Variants in PLEKHG1 observed in about 807,000 individuals in gnomAD.
The protein encoded by PLEKHG1 is pleckstrin homology and RhoGEF domain containing G1, also known as pleckstrin homology domain-containing family G member 1.
In PLEKHG1, 44 loss-of-function variants were observed where a neutral mutation model predicts 100.8. The ratio of observed to expected loss-of-function variants is 0.44; its 90% CI spans 0.34 to 0.56. The LOEUF (loss-of-function observed/expected upper bound fraction) is 0.56, where lower values mean the gene tolerates loss of function less well. PLEKHG1 is among the 20% of genes least tolerant of loss of function. PLEKHG1 has a pLI of 0.01. For missense variants in PLEKHG1, 1,545 were observed against 1,720.9 expected (o/e 0.90, Z 1.81); for synonymous variants, 640 against 662.5 (o/e 0.97, Z 0.52).
At chr6:150,731,962 C>CTTTT (rs34542836) in intron 1 of PLEKHG1, among the ~76,000 whole-genome samples, 2 of 134,408 alleles carry the variant, frequency 1.5e-5, no homozygotes, top group Non-Finnish European at 3.1e-5. Flanking sequence ...TATTAAGTGA[C>CTTTT]TTTTTTTTTT....
chr6:150,641,922 A>C (rs1037826892), intron 2 of PLEKHG1, among the ~76,000 whole-genome samples: 3 of 149,628 alleles, frequency 2.0e-5, no homozygotes, highest in African/African-American at 7.3e-5. Context: ...TACCTTTCTA[A>C]ATAGAATATT....
At chr6:150,624,004 T>A (rs553295899) in intron 1 of PLEKHG1, among the ~76,000 whole-genome samples, 32 of 152,342 alleles carry the variant, frequency 2.1e-4, no homozygotes, top group African/African-American at 7.5e-4. Flanking sequence ...ATCAGATTAA[T>A]GTATTAGATT....
rs9397021 is a variant in PLEKHG1, at chr6:150,758,190, A to G, written c.412-10448A>G. The stretch of plus-strand genomic sequence containing the variant: ...GAATGATTTATATTCCTTTGGGTAT[A>G]TAGCCAGTAATGGGATTGCTGGGTC... On this transcript the variant is annotated intron_variant, in intron 2 of 15. Coordinates refer to ENST00000358517, the Ensembl canonical transcript of PLEKHG1. Among the ~76,000 whole-genome samples, 523 of 152,318 alleles carry G rather than the reference A, an allele frequency of 3.4e-3. 19 individuals carry two copies. In the East Asian group the frequency reaches 0.06, roughly 17 times the overall value.
chr6:150,823,209 C>G (rs1001679592), intron 13 of PLEKHG1, among the ~76,000 whole-genome samples: 1 of 152,218 alleles, frequency 6.6e-6, no homozygotes, highest in African/African-American at 2.4e-5. Context: ...AAATCTCTCC[C>G]CACAATTCCA....
intron 10 of PLEKHG1, among the ~76,000 whole-genome samples, chr6:150,814,757 G>A (rs941722006): frequency 2.6e-5 from 4 of 152,184 alleles, no homozygotes; most frequent in African/African-American, 9.7e-5. Flanking sequence ...CACCCAGGCT[G>A]GAGTGCAGTG....
At chr6:150,750,780 C>CAAAA (rs1158670858) in intron 2 of PLEKHG1, among the ~76,000 whole-genome samples, 2,804 of 37,292 alleles carry the variant, frequency 0.075, 143 homozygotes, top group Non-Finnish European at 0.088. Flanking sequence ...GACTCCATCT[C>CAAAA]AAAAAAAAAA....
intron 3 of PLEKHG1, among the ~76,000 whole-genome samples, chr6:150,785,968 G>C (rs903703253): frequency 2.0e-5 from 3 of 151,906 alleles, no homozygotes; most frequent in African/African-American, 7.3e-5. Flanking sequence ...TGTCTTCCAC[G>C]AAACTGATCC....
intron 3 of PLEKHG1, among the ~76,000 whole-genome samples, chr6:150,703,955 C>A (rs1780903482): frequency 6.6e-6 from 1 of 152,184 alleles, no homozygotes; most frequent in Non-Finnish European, 1.5e-5. Flanking sequence ...GACAATGGAA[C>A]TAATTTTAAG....
rs962460093 is a variant in PLEKHG1, at chr6:150,683,543, A to G, written c.-99+32757A>G. 1.5e-5 allele frequency: 4 copies of G among 267,450 alleles called. No homozygotes were observed. The highest frequency in any genetic ancestry group is 7.3e-6 in the Non-Finnish European group (1 of 136,082). 16.6% of individuals were successfully genotyped at this position (267,450 alleles called of 1,614,324 possible). ...GTGGCGCTGACCTCCCAGACAGGACATTACCCTTCTTCCTCTTCCTGACCA... is the reference window on the plus strand; with the variant it reads ...GTGGCGCTGACCTCCCAGACAGGACGTTACCCTTCTTCCTCTTCCTGACCA... On this transcript the variant is annotated intron_variant, in intron 3 of 3. Transcript: ENST00000367326. This position sits in a 1 kb window ranked among gnomAD's most constrained non-coding sequence, Gnocchi z 4.0.
intron 2 of PLEKHG1, among the ~76,000 whole-genome samples, chr6:150,757,095 T>C (rs919066645): frequency 6.6e-6 from 1 of 152,160 alleles, no homozygotes; most frequent in African/African-American, 2.4e-5. Flanking sequence ...CCTTCCAGGT[T>C]CAAGCGATTC....
intron 1 of PLEKHG1, among the ~76,000 whole-genome samples, chr6:150,626,651 A>G (rs527543126): frequency 1.3e-5 from 2 of 152,316 alleles, no homozygotes; most frequent in African/African-American, 4.8e-5. Context: ...ACCACCCAAG[A>G]TAAGTAAAGC....
intron 3 of PLEKHG1, among the ~76,000 whole-genome samples, chr6:150,709,211 T>A (rs1221695492): frequency 6.6e-6 from 1 of 152,054 alleles, no homozygotes; most frequent in African/African-American, 2.4e-5. Context: ...TGGGAGCCTG[T>A]AGTTCCCAGC....
chr6:150,794,447 C>T (rs1438539925), intron 4 of PLEKHG1, among the ~76,000 whole-genome samples: 2 of 152,180 alleles, frequency 1.3e-5, no homozygotes, highest in African/African-American at 4.8e-5. Context: ...CGGTGGATCA[C>T]TTGAGGCCAG....
chr6:150,771,172 G>C (rs1360871809), intron 3 of PLEKHG1, among the ~76,000 whole-genome samples: 1 of 152,178 alleles, frequency 6.6e-6, no homozygotes, highest in African/African-American at 2.4e-5. Flanking sequence ...CAGCACTTTG[G>C]GAGGCCGAAG....
chr6:150,807,452 G>GT lies in PLEKHG1; in HGVS notation c.913-1647dup, dbSNP rs553316081. ...TTCATTTCTGTTTTCAACCAGTAAA[G>GT]TTTTTTGTTGTCTTGTGGGTTCCTT... is the stretch of plus-strand genomic sequence containing the variant. On this transcript the variant is annotated intron_variant, in intron 7 of 15. Coordinates refer to ENST00000358517, the Ensembl canonical transcript of PLEKHG1. 3.1e-3 allele frequency among the ~76,000 whole-genome samples: 476 copies of GT among 152,280 alleles called. 3 individuals carry two copies. Among genetic ancestry groups the GT allele is most frequent in the African/African-American group, 0.011 (448 of 41,568 alleles).
chr6:150,767,913 G>C (rs1369843813), intron 2 of PLEKHG1, among the ~76,000 whole-genome samples: 1 of 152,130 alleles, frequency 6.6e-6, no homozygotes, highest in African/African-American at 2.4e-5. Context: ...GTCTTGCTAG[G>C]GAAAGGGGAA....
At chr6:150,658,829 C>CT (rs1171930246) in intron 3 of PLEKHG1, among the ~76,000 whole-genome samples, 23 of 152,342 alleles carry the variant, frequency 1.5e-4, no homozygotes, top group Middle Eastern at 3.4e-3. Context: ...CTCATCTCTG[C>CT]TTTTTCATTT....
In PLEKHG1 at chr6:150,690,734, T is replaced by C. The variant is rs74911626; in HGVS notation, c.-99+39948T>C. ...TACTGGAGATGATTTCCCCACTCACTCTCTCAAAGATCTAATCAGGAACAA... is the reference window on the plus strand; with the variant it reads ...TACTGGAGATGATTTCCCCACTCACCCTCTCAAAGATCTAATCAGGAACAA... On this transcript the variant is annotated intron_variant, in intron 3 of 3. Transcript: ENST00000367326. Among the ~76,000 whole-genome samples, 8 of 152,328 alleles carry C rather than the reference T, an allele frequency of 5.3e-5. No homozygotes were observed. The East Asian group carries it at 1.5e-3, about 29-fold the overall frequency.
At chr6:150,660,263 T>C (rs1246542842) in intron 3 of PLEKHG1, among the ~76,000 whole-genome samples, 2 of 152,170 alleles carry the variant, frequency 1.3e-5, no homozygotes, top group African/African-American at 4.8e-5. Flanking sequence ...TAAAACTAAG[T>C]AATTTTACTC....
Sources: gnomAD v4.1 joint callset for allele counts (sites outside exome capture counted in the v4.1 genomes callset) on GRCh38, gnomAD v4.1.1 for gene constraint, Gnocchi (gnomAD v3.1) non-coding constraint, MANE v1.5 for transcripts, NCBI Gene and HGNC (gene_info 2026-07-23, HGNC 2026-07-21) for gene names.